The following ZYG11B variants were observed in gnomAD, a reference collection of about 807,000 sequenced individuals.
ZYG11B encodes zyg-11 family member B, cell cycle regulator.
In ZYG11B, 36 loss-of-function variants were observed where a neutral mutation model predicts 82.4. That is an observed-to-expected ratio of 0.44 (90% CI 0.33 to 0.58). ZYG11B has a LOEUF of 0.58. ZYG11B is among the 20% of genes least tolerant of loss of function. The pLI, the probability that ZYG11B is intolerant of heterozygous loss-of-function variation, is 0.02. For missense variants in ZYG11B, 552 were observed against 895.6 expected (o/e 0.62, Z 4.90); for synonymous variants, 303 against 312.8 (o/e 0.97, Z 0.33).
intron 1 of ZYG11B, chr1:52,754,393 T>C (rs141742389): frequency 1.3e-3 from 196 of 152,300 alleles, no homozygotes; most frequent in Middle Eastern, 0.01. Context: ...CATTTATTTA[T>C]TTTTTGAGAT....
Position 52,808,101 on chromosome 1 carries a change from G to A in ZYG11B, c.1696-5435G>A, listed in dbSNP as rs144655396. Among the ~76,000 whole-genome samples, 158 of 152,256 alleles carry A rather than the reference G, an allele frequency of 1.0e-3. 1 individual carries two copies. In the East Asian group the frequency reaches 0.018, roughly 17 times the overall value. On this transcript the variant is annotated intron_variant, in intron 10 of 13. Transcript: ENST00000294353. ...TAGTTGGCCGGACACGGTGGCTCACGCGTGGAATCCCAGCACTTTGGGAGG... is the reference window on the plus strand; with the variant it reads ...TAGTTGGCCGGACACGGTGGCTCACACGTGGAATCCCAGCACTTTGGGAGG...
Position 52,745,962 on chromosome 1 carries a change from C to CT in ZYG11B, c.31-10482dup, listed in dbSNP as rs71938564. Among the ~76,000 whole-genome samples the CT allele has an allele frequency of 1.2e-3, 179 of 143,294 alleles. 1 individual carries two copies. The highest frequency in any genetic ancestry group is 3.3e-3 in the South Asian group (15 of 4,484). The allele number at this position is 143,294 out of a possible 152,430, so 94.0% of individuals were successfully genotyped here. On this transcript the variant is annotated intron_variant, in intron 1 of 13. Transcript: ENST00000294353. ...AGGGGAGAATCGCTTGAATATTTAA[C>CT]TTTTTTTTTTTTTTGAGACGGAGTC... is the stretch of plus-strand genomic sequence containing the variant.
chr1:52,809,724 C>T (rs1246266596), intron 10 of ZYG11B, among the ~76,000 whole-genome samples: 1 of 151,972 alleles, frequency 6.6e-6, no homozygotes, highest in Non-Finnish European at 1.5e-5. Flanking sequence ...GGGTCTGAGA[C>T]AGTATCTTGT....
chr1:52,730,982 G>A (rs977020830), intron 1 of ZYG11B, among the ~76,000 whole-genome samples: 7 of 151,934 alleles, frequency 4.6e-5, no homozygotes, highest in Non-Finnish European at 1.0e-4. Flanking sequence ...GTAAAGAATA[G>A]TCCAGATAGG....
At chr1:52,765,464 C>T (rs1053564180) in intron 2 of ZYG11B, among the ~76,000 whole-genome samples, 6 of 152,020 alleles carry the variant, frequency 3.9e-5, no homozygotes, top group African/African-American at 1.5e-4. Flanking sequence ...ACCTCAGCCT[C>T]CCAATTACAG....
At chr1:52,732,640 C>T (rs1016387308) in intron 1 of ZYG11B, among the ~76,000 whole-genome samples, 1 of 152,264 alleles carries the variant, frequency 6.6e-6, no homozygotes, top group Admixed American at 6.5e-5. Context: ...TGGCACACAC[C>T]AGTAGTCCCA....
intron 10 of ZYG11B, among the ~76,000 whole-genome samples, chr1:52,804,604 C>T (rs1387523574): frequency 4.1e-5 from 6 of 145,860 alleles, no homozygotes; most frequent in Non-Finnish European, 9.0e-5. Context: ...CAGGGTGAGA[C>T]GGTCTCAGAA....
In ZYG11B at chr1:52,825,828, A is replaced by G. The variant is rs535000356; in HGVS notation, c.*4199A>G. 2.6e-5 allele frequency: 4 copies of G among 152,232 alleles called. No individual in the cohort carries two copies. Among genetic ancestry groups the G allele is most frequent in the African/African-American group, 9.6e-5 (4 of 41,542 alleles). 9.4% of individuals were successfully genotyped at this position (152,232 alleles called of 1,614,324 possible). The stretch of plus-strand genomic sequence containing the variant: ...AGCTGTGTTTTTAATTATGCCATGC[A>G]TCAACATAACACCGGGCCATCTTCC... On this transcript the variant is annotated 3_prime_UTR_variant, in exon 14 of 14. Transcript: ENST00000294353.
At chr1:52,819,857 G>T (rs982231424) in intron 13 of ZYG11B, among the ~76,000 whole-genome samples, 4 of 151,306 alleles carry the variant, frequency 2.6e-5, no homozygotes, top group Non-Finnish European at 5.9e-5. Flanking sequence ...CTACTTTTAG[G>T]TATTAGAGTT....
chr1:52,747,607 A>G (rs4500255), intron 1 of ZYG11B, among the ~76,000 whole-genome samples: 74,429 of 151,642 alleles, frequency 0.49, 18,724 homozygotes, highest in East Asian at 0.62. Context: ...CGTAACAGGT[A>G]AAAATCAGGG....
intron 10 of ZYG11B, chr1:52,805,111 A>T (rs1305381900): frequency 3.4e-5 from 5 of 146,436 alleles, no homozygotes; most frequent in African/African-American, 1.3e-4. Flanking sequence ...AAAAAAAAAA[A>T]AAATGGAACA....
chr1:52,771,197 T>A lies in ZYG11B; in HGVS notation c.374T>A (p.Ile125Asn). ...GCTGATATCACGATTACAGACATTATCAGTGGGCTTGGCAGTAACAAATGG... is the reference window on the plus strand; with the variant it reads ...GCTGATATCACGATTACAGACATTAACAGTGGGCTTGGCAGTAACAAATGG... ...VNADITITDIISGLGSNKWIQ... is the reference protein window; with the variant it reads ...VNADITITDINSGLGSNKWIQ... Residue 125 changes from isoleucine (I) to asparagine (N), a missense_variant, in exon 3 of 14, where the codon ATC (isoleucine) becomes AAC (asparagine). By Grantham distance (149) the Ile-to-Asn change is moderately radical. Coordinates refer to ENST00000294353, the MANE Select transcript of ZYG11B (RefSeq NM_024646.3). This position sits in a 1 kb window ranked among gnomAD's most constrained non-coding sequence, Gnocchi z 5.4. 1.2e-6 allele frequency: 2 copies of A among 1,614,230 alleles called. No homozygotes were observed. Among genetic ancestry groups the A allele is most frequent in the African/African-American group, 1.3e-5 (1 of 75,064 alleles).
At chr1:52,750,748 C>T (rs1644515700) in intron 1 of ZYG11B, among the ~76,000 whole-genome samples, 1 of 152,158 alleles carries the variant, frequency 6.6e-6, no homozygotes, top group African/African-American at 2.4e-5. Context: ...TGCCCACTAG[C>T]ATTCACTTTC....
intron 3 of ZYG11B, among the ~76,000 whole-genome samples, chr1:52,775,520 G>A (rs1301350929): frequency 1.3e-5 from 2 of 151,524 alleles, no homozygotes; most frequent in East Asian, 1.9e-4. Context: ...GTGAAACCCC[G>A]TCTCTACTAA....
intron 2 of ZYG11B, among the ~76,000 whole-genome samples, chr1:52,760,544 T>A (rs1325837723): frequency 6.6e-6 from 1 of 152,160 alleles, no homozygotes; most frequent in Non-Finnish European, 1.5e-5. Flanking sequence ...ACATTTAAAA[T>A]TTTTTTACTT....
At chr1:52,746,658 A>G (rs1410691612) in intron 1 of ZYG11B, among the ~76,000 whole-genome samples, 1 of 124,622 alleles carries the variant, frequency 8.0e-6, no homozygotes, top group Non-Finnish European at 1.7e-5. Flanking sequence ...AAAACACTAT[A>G]TTAACCAAAA....
chr1:52,742,859 G>A (rs1186229480), intron 1 of ZYG11B, among the ~76,000 whole-genome samples: 8 of 150,446 alleles, frequency 5.3e-5, no homozygotes, highest in African/African-American at 2.0e-4. Context: ...AAAAAAAAGA[G>A]TCAAAAAGTT....
intron 10 of ZYG11B, among the ~76,000 whole-genome samples, chr1:52,805,682 A>G (rs1003238202): frequency 2.6e-5 from 4 of 152,126 alleles, no homozygotes; most frequent in Admixed American, 2.6e-4. Context: ...AAATACAAAA[A>G]TTAGCCAGCC....
chr1:52,821,723 T>C lies in ZYG11B; in HGVS notation c.*94T>C. On this transcript the variant is annotated 3_prime_UTR_variant, in exon 14 of 14. Transcript: ENST00000294353. The stretch of plus-strand genomic sequence containing the variant: ...CCCTCCCTGATGTTTTGGGGGTTTC[T>C]ATGACAAGAGTCATAAAATCAGTTT... The C allele has an allele frequency of 8.2e-7, 1 of 1,222,066 alleles. No individual in the cohort carries two copies. The allele number at this position is 1,222,066 out of a possible 1,614,324, so 75.7% of individuals were successfully genotyped here. A position where few individuals can be genotyped will look rare whatever the true frequency, so the allele number is the denominator to read the frequency against.
Sources: gnomAD v4.1 joint callset for allele counts (sites outside exome capture counted in the v4.1 genomes callset) on GRCh38, gnomAD v4.1.1 for gene constraint, Gnocchi (gnomAD v3.1) non-coding constraint, MANE v1.5 for transcripts, NCBI Gene and HGNC (gene_info 2026-07-23, HGNC 2026-07-21) for gene names.